Variants in CTNND2 observed in about 807,000 individuals in gnomAD.
CTNND2 encodes catenin delta-2.
CTNND2 carries 22 observed loss-of-function variants against 144.4 expected under a neutral mutation model. That is an observed-to-expected ratio of 0.15 (90% CI 0.11 to 0.22). The LOEUF (loss-of-function observed/expected upper bound fraction) is 0.22, where lower values mean the gene tolerates loss of function less well. Ranked by LOEUF, CTNND2 falls within the 10% of genes least tolerant of loss-of-function variation. The probability of loss-of-function intolerance (pLI) is 1.00; values close to 1 mark genes in which losing one functional copy is unlikely to be tolerated. For synonymous variants in CTNND2, 751 were observed against 695.6 expected (o/e 1.08, Z -1.25); for missense variants, 1,353 against 1,618.8 (o/e 0.84, Z 2.82).
chr5:11,745,328 A>C (rs1043896317), intron 1 of CTNND2, among the ~76,000 whole-genome samples: 6 of 152,100 alleles, frequency 3.9e-5, no homozygotes, highest in African/African-American at 1.4e-4. Context: ...ATATTATTAT[A>C]TCAACAAACG....
intron 7 of CTNND2, among the ~76,000 whole-genome samples, chr5:11,379,905 C>T (rs1340019777): frequency 6.6e-6 from 1 of 152,182 alleles, no homozygotes; most frequent in Non-Finnish European, 1.5e-5. Flanking sequence ...CTTCATGTCT[C>T]ACCACCCCTA....
intron 9 of CTNND2, among the ~76,000 whole-genome samples, chr5:11,288,165 G>T (rs1747944165): frequency 6.6e-6 from 1 of 152,154 alleles, no homozygotes; most frequent in African/African-American, 2.4e-5. Context: ...ATTTTAAGGT[G>T]AGGTGGCATG....
chr5:11,069,321 G>A (rs2149608582), intron 16 of CTNND2, among the ~76,000 whole-genome samples: 1 of 152,248 alleles, frequency 6.6e-6, no homozygotes, highest in Admixed American at 6.5e-5. Context: ...AATAAATCTA[G>A]AGCACTCACA....
intron 12 of CTNND2, among the ~76,000 whole-genome samples, chr5:11,149,148 C>G (rs977350955): frequency 6.6e-6 from 1 of 152,222 alleles, no homozygotes; most frequent in South Asian, 2.1e-4. Context: ...CAAAAGGACA[C>G]GATGCTTTTG....
intron 3 of CTNND2, among the ~76,000 whole-genome samples, chr5:11,454,414 G>A (rs944363887): frequency 2.0e-5 from 3 of 151,438 alleles, no homozygotes; most frequent in Non-Finnish European, 2.9e-5. Flanking sequence ...GCGAGACTCC[G>A]TCTAATAAAA....
intron 12 of CTNND2, among the ~76,000 whole-genome samples, chr5:11,148,705 C>A (rs1465382329): frequency 1.3e-5 from 2 of 152,204 alleles, no homozygotes; most frequent in Admixed American, 6.5e-5. Context: ...GCTGCTCAGA[C>A]AGGCAGCTCT....
At chr5:11,557,458 C>G (rs913158725) in intron 3 of CTNND2, among the ~76,000 whole-genome samples, 2 of 152,162 alleles carry the variant, frequency 1.3e-5, no homozygotes, top group African/African-American at 4.8e-5. Flanking sequence ...GTTGTGAGTT[C>G]AGGATCCTCC....
At chr5:11,779,355 C>T (rs1312962714) in intron 1 of CTNND2, among the ~76,000 whole-genome samples, 1 of 152,176 alleles carries the variant, frequency 6.6e-6, no homozygotes, top group East Asian at 1.9e-4. Flanking sequence ...CCTCACATTC[C>T]ATTGGTTTAG....
At chr5:11,814,981 T>C (rs548445901) in intron 1 of CTNND2, among the ~76,000 whole-genome samples, 44 of 152,320 alleles carry the variant, frequency 2.9e-4, no homozygotes, top group African/African-American at 1.1e-3. Flanking sequence ...GAACTTATTT[T>C]TAAGATCTTT....
intron 9 of CTNND2, among the ~76,000 whole-genome samples, chr5:11,245,161 C>T (rs1039234715): frequency 2.0e-5 from 3 of 152,142 alleles, no homozygotes; most frequent in Non-Finnish European, 2.9e-5. Flanking sequence ...CTTGTTCGTT[C>T]AGTGAAAGGA....
At position 11,887,173 on chromosome 5, in the gene CTNND2, T is replaced by C. The variant is rs191557951; in HGVS notation, c.37+16644A>G. On this transcript the variant is annotated intron_variant, in intron 1 of 21. Transcript: ENST00000304623. The stretch of plus-strand genomic sequence containing the variant: ...TAATTTTTTGTATTTTTAGAAGAGA[T>C]GGGGTTTAACCATGTTAGCCAGAAT... Among the ~76,000 whole-genome samples the C allele has an allele frequency of 8.2e-3, 1,244 of 151,974 alleles. 11 individuals are homozygous for C. Among genetic ancestry groups the C allele is most frequent in the Non-Finnish European group, 0.013 (895 of 67,954 alleles).
intron 20 of CTNND2, among the ~76,000 whole-genome samples, chr5:10,987,184 C>G (rs1738086633): frequency 6.6e-6 from 1 of 152,248 alleles, no homozygotes; most frequent in African/African-American, 2.4e-5. Context: ...ATAACTCCCT[C>G]TACAGCCAGA....
At chr5:11,380,152 T>C (rs1490580657) in intron 7 of CTNND2, among the ~76,000 whole-genome samples, 4 of 152,222 alleles carry the variant, frequency 2.6e-5, no homozygotes, top group Non-Finnish European at 5.9e-5. Flanking sequence ...TGTCTGACTC[T>C]GCGCGGGGTT....
At chr5:11,060,961 C>A (rs1382523929) in intron 16 of CTNND2, among the ~76,000 whole-genome samples, 1 of 151,564 alleles carries the variant, frequency 6.6e-6, no homozygotes, top group East Asian at 1.9e-4. Context: ...CTTTAACTAT[C>A]TTTTTTTTTC....
intron 2 of CTNND2, among the ~76,000 whole-genome samples, chr5:11,597,220 C>A (rs17221495): frequency 0.37 from 55,672 of 152,044 alleles, 10,894 homozygotes; most frequent in Middle Eastern, 0.6. Flanking sequence ...CCGAACAGTG[C>A]CTATACATTG....
At chr5:11,895,112 G>A (rs1477457606) in intron 1 of CTNND2, among the ~76,000 whole-genome samples, 1 of 152,054 alleles carries the variant, frequency 6.6e-6, no homozygotes, top group African/African-American at 2.4e-5. Flanking sequence ...TTGAACTTGA[G>A]AAATGAGACA....
intron 3 of CTNND2, among the ~76,000 whole-genome samples, chr5:11,528,392 G>C (rs758069239): frequency 2.6e-5 from 4 of 152,150 alleles, no homozygotes; most frequent in Non-Finnish European, 5.9e-5. Context: ...GAAATGAAGA[G>C]TTCTTATTCC....
intron 9 of CTNND2, among the ~76,000 whole-genome samples, chr5:11,247,635 G>T (rs1242864603): frequency 6.6e-6 from 1 of 152,188 alleles, no homozygotes; most frequent in Non-Finnish European, 1.5e-5. Flanking sequence ...CTTCTTCTCT[G>T]AATTCAATTT....
intron 2 of CTNND2, among the ~76,000 whole-genome samples, chr5:11,728,330 G>A (rs1030351442): frequency 8.6e-5 from 13 of 151,752 alleles, no homozygotes; most frequent in South Asian, 4.1e-4. Flanking sequence ...ATAGCCAGGC[G>A]TGGTGGCGCA....
Sources: allele counts gnomAD v4.1 joint callset (sites outside exome capture counted in the v4.1 genomes callset), GRCh38; gene constraint gnomAD v4.1.1; transcripts MANE v1.5; gene names NCBI Gene and HGNC (gene_info 2026-07-23, HGNC 2026-07-21).